The following CLASP1 variants were observed in gnomAD, a reference collection of about 807,000 sequenced individuals.
CLASP1 encodes the protein CLIP-associating protein 1.
A neutral mutation model predicts 192.3 loss-of-function variants in CLASP1; 38 were observed. The ratio of observed to expected loss-of-function variants is 0.20; its 90% CI spans 0.15 to 0.26. The LOEUF is 0.26. Ranked by LOEUF, CLASP1 falls within the 10% of genes least tolerant of loss-of-function variation. CLASP1 has a pLI of 1.00. For missense variants in CLASP1, 1,433 were observed against 1,932.5 expected, an observed-to-expected ratio of 0.74 and a Z score of 4.85; for synonymous variants, 691 against 712.8, an observed-to-expected ratio of 0.97 and a Z score of 0.49.
intron 19 of CLASP1, among the ~76,000 whole-genome samples, chr2:121,444,596 A>AGG (rs931421331): frequency 3.3e-5 from 5 of 152,194 alleles, no homozygotes; most frequent in African/African-American, 9.7e-5. Flanking sequence ...GTAGTGCTTC[A>AGG]GGAGTAATAA....
intron 2 of CLASP1, among the ~76,000 whole-genome samples, chr2:121,574,038 A>G (rs766966841): frequency 1.3e-5 from 2 of 152,226 alleles, no homozygotes; most frequent in Non-Finnish European, 2.9e-5. Flanking sequence ...TCTATTGTAC[A>G]ATATGGTAAC....
intron 1 of CLASP1, among the ~76,000 whole-genome samples, chr2:121,621,499 G>A (rs2067348722): frequency 6.6e-6 from 1 of 152,128 alleles, no homozygotes; most frequent in African/African-American, 2.4e-5. Flanking sequence ...ATATATATAA[G>A]TGAGGTAAGG....
Position 121,524,391 on chromosome 2 carries a change from G to A in CLASP1, c.546+1454C>T, listed in dbSNP as rs1473225052. On this transcript the variant is annotated intron_variant, in intron 6 of 39. Transcript: ENST00000263710. ...TAGTACAATTTATTTTTAAATTAACGTTGAATATAAAGTATGATTAAGTAA... is the reference window on the plus strand; with the variant it reads ...TAGTACAATTTATTTTTAAATTAACATTGAATATAAAGTATGATTAAGTAA... 9.9e-5 allele frequency among the ~76,000 whole-genome samples: 15 copies of A among 151,558 alleles called. 1 individual carries two copies. Among genetic ancestry groups the A allele is most frequent in the Admixed American group, 3.9e-4 (6 of 15,238 alleles).
At chr2:121,377,024 A>G (rs535317658) in intron 34 of CLASP1, among the ~76,000 whole-genome samples, 2 of 152,322 alleles carry the variant, frequency 1.3e-5, no homozygotes, top group South Asian at 4.1e-4. Context: ...GATAAAGTAC[A>G]CAATAAACGT....
intron 19 of CLASP1, among the ~76,000 whole-genome samples, chr2:121,441,010 T>C (rs2083243518): frequency 6.6e-6 from 1 of 152,182 alleles, no homozygotes; most frequent in South Asian, 2.1e-4. Flanking sequence ...CATGACTTTT[T>C]AATACTGCTC....
At chr2:121,367,180 G>C (rs151311314) in intron 35 of CLASP1, among the ~76,000 whole-genome samples, 1 of 152,314 alleles carries the variant, frequency 6.6e-6, no homozygotes, top group African/African-American at 2.4e-5. Context: ...ACAGCTCGGG[G>C]AGCTGGGAAG....
intron 1 of CLASP1, among the ~76,000 whole-genome samples, chr2:121,640,400 T>A (rs944175739): frequency 1.1e-4 from 16 of 152,368 alleles, no homozygotes; most frequent in African/African-American, 3.6e-4. Context: ...GACAATTTTA[T>A]GTTATGTATA....
intron 34 of CLASP1, among the ~76,000 whole-genome samples, chr2:121,369,101 G>A (rs2068046646): frequency 6.6e-6 from 1 of 152,170 alleles, no homozygotes; most frequent in Non-Finnish European, 1.5e-5. Flanking sequence ...ACCACATTTT[G>A]TTTATCTGTT....
chr2:121,518,696 C>T (rs1226625535), intron 6 of CLASP1, among the ~76,000 whole-genome samples: 2 of 150,062 alleles, frequency 1.3e-5, no homozygotes, highest in Non-Finnish European at 2.9e-5. Flanking sequence ...GGTGAAACCC[C>T]GTCTCTACTA....
chr2:121,511,177 G>C (rs898884379), intron 7 of CLASP1, among the ~76,000 whole-genome samples: 2 of 152,196 alleles, frequency 1.3e-5, no homozygotes, highest in African/African-American at 2.4e-5. Flanking sequence ...AATATTAATA[G>C]TGAACTGTAA....
chr2:121,523,913 A>G (rs2094513492), intron 6 of CLASP1, among the ~76,000 whole-genome samples: 1 of 152,212 alleles, frequency 6.6e-6, no homozygotes. Context: ...AGAAGGGGAA[A>G]TGGGGGTGAG....
At chr2:121,630,535 A>G (rs2069337279) in intron 1 of CLASP1, among the ~76,000 whole-genome samples, 1 of 152,092 alleles carries the variant, frequency 6.6e-6, no homozygotes, top group Non-Finnish European at 1.5e-5. Context: ...TCCAGTCACA[A>G]AATTCTTGCC....
intron 37 of CLASP1, among the ~76,000 whole-genome samples, chr2:121,357,680 C>G (rs899248531): frequency 6.6e-6 from 1 of 152,214 alleles, no homozygotes; most frequent in African/African-American, 2.4e-5. Context: ...GCAGCCGCCA[C>G]CACAGCTGCC....
chr2:121,568,045 G>C (rs924000208), intron 2 of CLASP1, among the ~76,000 whole-genome samples: 1 of 152,172 alleles, frequency 6.6e-6, no homozygotes, highest in African/African-American at 2.4e-5. Context: ...ACACTTTCAG[G>C]ATGTCATCAG....
chr2:121,427,702 T>G (rs2080684286), intron 20 of CLASP1, among the ~76,000 whole-genome samples: 1 of 152,216 alleles, frequency 6.6e-6, no homozygotes, highest in African/African-American at 2.4e-5. Flanking sequence ...TTAAGCAACC[T>G]GAGGGAAGTG....
chr2:121,524,209 G>C (rs1001825851), intron 6 of CLASP1, among the ~76,000 whole-genome samples: 1 of 152,168 alleles, frequency 6.6e-6, no homozygotes, highest in African/African-American at 2.4e-5. Flanking sequence ...TGGCTTTTCT[G>C]CTCTGCTAGA....
At chr2:121,411,024 T>C (rs767435474) in intron 23 of CLASP1, 55 bp from the exon 25 acceptor site, 2 of 1,174,250 alleles carry the variant, frequency 1.7e-6, no homozygotes, top group Admixed American at 4.6e-5. Flanking sequence ...TTATTTCAAT[T>C]CCTTGCAAGG....
At chr2:121,392,611 T>C (rs72967339) in intron 30 of CLASP1, among the ~76,000 whole-genome samples, 235 of 152,216 alleles carry the variant, frequency 1.5e-3, no homozygotes, top group African/African-American at 5.3e-3. Context: ...TTACAGATAA[T>C]AAACAAGAAC....
chr2:121,638,907 G>A (rs368475507), intron 1 of CLASP1, among the ~76,000 whole-genome samples: 1 of 152,088 alleles, frequency 6.6e-6, no homozygotes, highest in African/African-American at 2.4e-5. Flanking sequence ...GACCTCAGGT[G>A]ATCCACCCGC....
Sources: allele counts gnomAD v4.1 joint callset (sites outside exome capture counted in the v4.1 genomes callset), GRCh38; gene constraint gnomAD v4.1.1; transcripts MANE v1.5; gene names NCBI Gene and HGNC (gene_info 2026-07-23, HGNC 2026-07-21).